XYLT1: variants seen among roughly 807,000 people sequenced by gnomAD.
XYLT1 encodes the protein xylosyltransferase 1, also known as beta-D-xylosyltransferase 1.
A neutral mutation model predicts 91.3 loss-of-function variants in XYLT1; 36 were observed. That is an observed-to-expected ratio of 0.39 (90% CI 0.30 to 0.52). The LOEUF (loss-of-function observed/expected upper bound fraction) is 0.52, where lower values mean the gene tolerates loss of function less well. Among genes scored for constraint, XYLT1 ranks in the 20% least tolerant of loss-of-function variants. XYLT1 has a pLI of 0.68. For synonymous variants in XYLT1, 588 were observed against 532.0 expected (o/e 1.11, Z -1.45); for missense variants, 1,242 against 1,284.5 (o/e 0.97, Z 0.51).
At chr16:17,137,420 G>A (rs1186673954) in intron 8 of XYLT1, 1 of 152,180 alleles carries the variant, frequency 6.6e-6, no homozygotes, top group African/African-American at 2.4e-5. Flanking sequence ...AGTGGTTTGG[G>A]AAGTAGCATA....
chr16:17,119,417 ACTGCCT>A (rs372681681), intron 10 of XYLT1, among the ~76,000 whole-genome samples: 1 of 152,246 alleles, frequency 6.6e-6, no homozygotes, highest in African/African-American at 2.4e-5. Context: ...TGAAGCTTGC[ACTGCCT>A]CTGCTGTCTT....
intron 1 of XYLT1, among the ~76,000 whole-genome samples, chr16:17,365,624 G>T (rs2035445414): frequency 6.6e-6 from 1 of 152,068 alleles, no homozygotes; most frequent in South Asian, 2.1e-4. Flanking sequence ...TCTCTCTTTT[G>T]TATTAAAAGC....
At chr16:17,270,327 G>A (rs1034318114) in intron 2 of XYLT1, among the ~76,000 whole-genome samples, 1 of 152,192 alleles carries the variant, frequency 6.6e-6, no homozygotes, top group Admixed American at 6.5e-5. Flanking sequence ...AAAAACCAAA[G>A]AGCCCAGCAA....
At chr16:17,334,344 G>A (rs753904680) in intron 2 of XYLT1, among the ~76,000 whole-genome samples, 12 of 152,068 alleles carry the variant, frequency 7.9e-5, no homozygotes, top group South Asian at 2.1e-4. Context: ...GGTCTATGAC[G>A]TCCTGGAGTA....
At chr16:17,227,972 T>G (rs1473392795) in intron 3 of XYLT1, 1 of 152,192 alleles carries the variant, frequency 6.6e-6, no homozygotes, top group Non-Finnish European at 1.5e-5. Flanking sequence ...GGAAAAAAGT[T>G]CAGGAGATTT....
At chr16:17,419,225 C>T (rs537196261) in intron 1 of XYLT1, among the ~76,000 whole-genome samples, 1 of 151,906 alleles carries the variant, frequency 6.6e-6, no homozygotes, top group African/African-American at 2.4e-5. Flanking sequence ...GCCTGTAGTC[C>T]CAGCTAGTCG....
chr16:17,429,876 G>C (rs1392592344), intron 1 of XYLT1, among the ~76,000 whole-genome samples: 1 of 151,736 alleles, frequency 6.6e-6, no homozygotes, highest in Non-Finnish European at 1.5e-5. Flanking sequence ...AGCTTGCAGA[G>C]AGTAGCTGCA....
intron 1 of XYLT1, among the ~76,000 whole-genome samples, chr16:17,378,894 A>G (rs754639342): frequency 2.6e-5 from 4 of 152,206 alleles, no homozygotes; most frequent in Non-Finnish European, 5.9e-5. Flanking sequence ...GTATTTCTTC[A>G]TAGACAGAAT....
chr16:17,329,343 C>T (rs2034862156), intron 2 of XYLT1, among the ~76,000 whole-genome samples: 1 of 152,176 alleles, frequency 6.6e-6, no homozygotes, highest in African/African-American at 2.4e-5. Flanking sequence ...CCCTCTTTTA[C>T]CATGGGGGGA....
intron 7 of XYLT1, chr16:17,138,738 C>T: frequency 1.8e-6 from 1 of 545,606 alleles, no homozygotes; most frequent in Non-Finnish European, 3.2e-6. Flanking sequence ...AATTACCAAG[C>T]CTCAGATTTT....
chr16:17,286,677 C>T (rs957554602), intron 2 of XYLT1, among the ~76,000 whole-genome samples: 1 of 152,192 alleles, frequency 6.6e-6, no homozygotes, highest in South Asian at 2.1e-4. Flanking sequence ...TCATCATCAT[C>T]CTCATCATCA....
chr16:17,136,659 C>T (rs1426039411), intron 8 of XYLT1, among the ~76,000 whole-genome samples: 1 of 152,180 alleles, frequency 6.6e-6, no homozygotes, highest in African/African-American at 2.4e-5. Flanking sequence ...GCGATTCCGA[C>T]CATAGCTGGA....
At chr16:17,137,934 TCTGAGGTTGAAAA>T (rs930086707) in intron 8 of XYLT1, among the ~76,000 whole-genome samples, 3 of 152,194 alleles carry the variant, frequency 2.0e-5, no homozygotes, top group African/African-American at 7.2e-5. Context: ...TGGCAAGAGT[TCTGAGGTTGAAAA>T]GCTCAGCCCT....
In XYLT1 at chr16:17,232,405, C is replaced by CTGTGTGTG. The variant is rs1199361319; in HGVS notation, c.913+26575_913+26582dup. ...CATGACTGTGTCTGTGTGTCTGTGT[C>CTGTGTGTG]TGTGTGTGTGTGTGTGTGTGTGTGT... On this transcript the variant is annotated intron_variant, in intron 3 of 11. Coordinates refer to ENST00000261381, the MANE Select transcript of XYLT1 (RefSeq NM_022166.4). Among the ~76,000 whole-genome samples, 147 of 119,188 alleles carry CTGTGTGTG rather than the reference C, an allele frequency of 1.2e-3. 1 individual carries two copies. Among genetic ancestry groups the CTGTGTGTG allele is most frequent in the South Asian group, 7.4e-3 (27 of 3,666 alleles). The allele number at this position is 119,188 out of a possible 152,430, so 78.2% of individuals were successfully genotyped here. A position where few individuals can be genotyped will look rare whatever the true frequency, so the allele number is the denominator to read the frequency against.
At chr16:17,110,316 T>G (rs545220295) in intron 11 of XYLT1, among the ~76,000 whole-genome samples, 9 of 152,290 alleles carry the variant, frequency 5.9e-5, no homozygotes, top group Middle Eastern at 3.4e-3. Context: ...TCACCTTGAA[T>G]TGTAGCTCCC....
At chr16:17,140,527 G>C (rs890257284) in intron 7 of XYLT1, among the ~76,000 whole-genome samples, 4 of 151,944 alleles carry the variant, frequency 2.6e-5, no homozygotes, top group Non-Finnish European at 5.9e-5. Flanking sequence ...TGGGTGTGGT[G>C]GTGGGCGCCT....
chr16:17,397,007 C>A (rs2035894978), intron 1 of XYLT1, among the ~76,000 whole-genome samples: 1 of 152,180 alleles, frequency 6.6e-6, no homozygotes, highest in Non-Finnish European at 1.5e-5. Flanking sequence ...TTATCTCTGG[C>A]TGCTTTCCGG....
intron 9 of XYLT1, among the ~76,000 whole-genome samples, chr16:17,131,380 C>G (rs7187647): frequency 0.97 from 147,405 of 152,350 alleles, 71,363 homozygotes; most frequent in Middle Eastern, 0.99. Context: ...TGGCCCAAAG[C>G]TGTTTTTCTT....
Position 17,111,616 on chromosome 16 carries a change from A to G in XYLT1, c.2558-2599T>C, listed in dbSNP as rs182275933. On this transcript the variant is annotated intron_variant, in intron 11 of 11. Coordinates refer to ENST00000261381, the MANE Select transcript of XYLT1 (RefSeq NM_022166.4). ...TCCAGAGCAGGCAAGAAGAAGGAAG[A>G]AAGACCATATGCTAACCCTTCTAAA... Among the ~76,000 whole-genome samples the G allele has an allele frequency of 6.3e-4, 96 of 152,344 alleles. 2 individuals are homozygous for G. The East Asian group carries it at 0.012, about 18-fold the overall frequency.
Sources: gnomAD v4.1 joint callset for allele counts (sites outside exome capture counted in the v4.1 genomes callset) on GRCh38, gnomAD v4.1.1 for gene constraint, MANE v1.5 for transcripts, NCBI Gene and HGNC (gene_info 2026-07-23, HGNC 2026-07-21) for gene names.